FRMPD1: variants seen among roughly 807,000 people sequenced by gnomAD.
FRMPD1 encodes the protein FERM and PDZ domain containing 1.
Under a neutral mutation model 117.8 loss-of-function variants are expected in FRMPD1, and 76 were observed. The observed-to-expected ratio is 0.65, with a 90% CI of 0.54 to 0.78. FRMPD1 has a LOEUF of 0.78. Among genes scored for constraint, FRMPD1 ranks in the 30% least tolerant of loss-of-function variants. FRMPD1 has a pLI of 0.00. For synonymous variants in FRMPD1, 783 were observed against 770.4 expected (o/e 1.02, Z -0.27); for missense variants, 1,786 against 1,964.5 (o/e 0.91, Z 1.72).
In FRMPD1 at chr9:37,745,392, T is replaced by C; in HGVS notation, c.3360T>C (p.Asn1120=). 1 of 1,614,086 alleles carries C rather than the reference T, an allele frequency of 6.2e-7. No homozygotes were observed. The highest frequency in any genetic ancestry group is 8.5e-7 in the Non-Finnish European group (1 of 1,179,974). Residue 1120 remains asparagine, a synonymous_variant, in exon 16 of 16, where the codon AAT becomes AAC. Transcript: ENST00000377765. The part of the protein sequence containing the change: ...LERDREVTNK[N]GTNVFQEESR... ...GAGACAGAGAAGTTACAAACAAAAA[T>C]GGCACCAACGTATTTCAGGAGGAGT...
intron 1 of FRMPD1, among the ~76,000 whole-genome samples, chr9:37,673,951 T>G (rs936706274): frequency 2.0e-5 from 3 of 152,232 alleles, no homozygotes; most frequent in African/African-American, 7.2e-5. Context: ...GGTGCTGCCA[T>G]GAAGGTCTCT....
intron 1 of FRMPD1, chr9:37,661,998 A>G (rs1821015827): frequency 6.5e-6 from 1 of 154,404 alleles, no homozygotes; most frequent in East Asian, 1.9e-4. Flanking sequence ...GCTGAATCAA[A>G]CCTGGTGACC....
chr9:37,626,426 A>G, the FRMPD1 span, among the ~76,000 whole-genome samples: 3 of 149,664 alleles, frequency 2.0e-5, no homozygotes, highest in African/African-American at 7.4e-5. Context: ...AATTGCTTTA[A>G]CCTGGGAAGC....
intron 1 of FRMPD1, among the ~76,000 whole-genome samples, chr9:37,692,051 T>C (rs370589097): frequency 3.3e-4 from 49 of 146,692 alleles, no homozygotes; most frequent in African/African-American, 1.2e-3. Flanking sequence ...ATATTTTTTA[T>C]TATGATAAGA....
intron 1 of FRMPD1, among the ~76,000 whole-genome samples, chr9:37,684,099 G>T (rs140314939): frequency 0.017 from 2,503 of 151,594 alleles, 9 homozygotes; most frequent in Middle Eastern, 0.045. Context: ...ATACAGTTCT[G>T]CAGAGTGTTG....
chr9:37,719,129 G>T lies in FRMPD1; in HGVS notation c.469G>T (p.Val157Leu). Residue 157 changes from valine to leucine, a missense_variant, in exon 6 of 16, where the codon GTG (valine) becomes TTG (leucine). Transcript: ENST00000377765. ...GAGAGCCAGACTGAAGACCAACCCCGTGAAGGTGCACTTTGCTGAAGAAGT... is the reference window on the plus strand; with the variant it reads ...GAGAGCCAGACTGAAGACCAACCCCTTGAAGGTGCACTTTGCTGAAGAAGT... Reference protein sequence around the residue: ...EKRARLKTNPVKVHFAEEVLI... With the variant: ...EKRARLKTNPLKVHFAEEVLI... 1 of 1,613,620 alleles carries T rather than the reference G, an allele frequency of 6.2e-7. No homozygotes were observed. Among genetic ancestry groups the T allele is most frequent in the Non-Finnish European group, 8.5e-7 (1 of 1,179,544 alleles).
the FRMPD1 span, among the ~76,000 whole-genome samples, chr9:37,620,577 TATG>T: frequency 6.6e-6 from 1 of 152,334 alleles, no homozygotes; most frequent in South Asian, 2.1e-4. Context: ...ACAGCTGTTA[TATG>T]ATATTTCAGA....
At chr9:37,653,911 T>C (rs144744763) in intron 1 of FRMPD1, among the ~76,000 whole-genome samples, 48 of 152,240 alleles carry the variant, frequency 3.2e-4, no homozygotes, top group African/African-American at 1.1e-3. Context: ...CGGTGAGCTA[T>C]GATCAGGCCA....
At chr9:37,621,713 C>G in the FRMPD1 span, among the ~76,000 whole-genome samples, 4 of 152,166 alleles carry the variant, frequency 2.6e-5, no homozygotes, top group Non-Finnish European at 5.9e-5. Flanking sequence ...GCAAAGAATG[C>G]TTCAGGGAGC....
chr9:37,636,971 C>G, the FRMPD1 span: 1 of 1,587,772 alleles, frequency 6.3e-7, no homozygotes, highest in Admixed American at 1.7e-5. Context: ...GCTGGCATGG[C>G]GGTCAATCTC....
intron 1 of FRMPD1, among the ~76,000 whole-genome samples, chr9:37,669,406 G>A (rs188222657): frequency 2.0e-5 from 3 of 152,134 alleles, no homozygotes; most frequent in Non-Finnish European, 4.4e-5. Flanking sequence ...GAAACTCTGC[G>A]GGTGGGGCCC....
intron 2 of FRMPD1, among the ~76,000 whole-genome samples, chr9:37,706,653 A>G (rs905346604): frequency 6.6e-6 from 1 of 152,236 alleles, no homozygotes; most frequent in Admixed American, 6.5e-5. Context: ...TTTAAGGAAC[A>G]TACATGTTTT....
chr9:37,628,834 C>A, the FRMPD1 span, among the ~76,000 whole-genome samples: 2 of 152,214 alleles, frequency 1.3e-5, no homozygotes, highest in African/African-American at 2.4e-5. Flanking sequence ...TAATGGAGAT[C>A]AGGTCAGTGA....
At chr9:37,709,810 T>C (rs1018094472) in intron 4 of FRMPD1, among the ~76,000 whole-genome samples, 1 of 152,100 alleles carries the variant, frequency 6.6e-6, no homozygotes, top group African/African-American at 2.4e-5. Context: ...TGCAGAAAAG[T>C]TCTAGGAAGT....
intron 1 of FRMPD1, chr9:37,661,783 T>A (rs1252702912): frequency 5.9e-5 from 9 of 152,302 alleles, no homozygotes; most frequent in Admixed American, 5.9e-4. Context: ...GCATAGATAA[T>A]CCATGTCTTA....
At chr9:37,730,778 C>T (rs1563955155) in intron 8 of FRMPD1, among the ~76,000 whole-genome samples, 1 of 152,152 alleles carries the variant, frequency 6.6e-6, no homozygotes, top group Non-Finnish European at 1.5e-5. Context: ...GTGGGAAATG[C>T]TGCCCTTTTG....
intron 1 of FRMPD1, among the ~76,000 whole-genome samples, chr9:37,671,551 A>T (rs1821351985): frequency 6.6e-6 from 1 of 152,202 alleles, no homozygotes; most frequent in South Asian, 2.1e-4. Flanking sequence ...CTAGCAGGGG[A>T]TATATACAAG....
At chr9:37,711,516 G>A in intron 5 of FRMPD1, 121 bp downstream of exon 5, 2 of 765,428 alleles carry the variant, frequency 2.6e-6, no homozygotes, top group Non-Finnish European at 4.7e-6. Flanking sequence ...GGTGACAGCT[G>A]CCCGGCAGTG....
chr9:37,703,261 C>T (rs1366688125), intron 2 of FRMPD1, among the ~76,000 whole-genome samples: 2 of 152,082 alleles, frequency 1.3e-5, no homozygotes, highest in South Asian at 2.1e-4. Flanking sequence ...AGGACTAGTA[C>T]CTGTTGGGCC....
Sources: gnomAD v4.1 joint callset for allele counts (sites outside exome capture counted in the v4.1 genomes callset) on GRCh38, gnomAD v4.1.1 for gene constraint, MANE v1.5 for transcripts, NCBI Gene and HGNC (gene_info 2026-07-23, HGNC 2026-07-21) for gene names.